Variants in APBB2 observed in about 807,000 individuals in gnomAD.
The protein encoded by APBB2 is amyloid beta precursor protein binding family B member 2.
APBB2 carries 38 observed loss-of-function variants against 82.5 expected under a neutral mutation model. The ratio of observed to expected loss-of-function variants is 0.46; its 90% confidence interval spans 0.36 to 0.60. The LOEUF (loss-of-function observed/expected upper bound fraction) is 0.60, where lower values mean the gene tolerates loss of function less well. Among genes scored for constraint, APBB2 ranks in the 20% least tolerant of loss-of-function variants. APBB2 has a pLI of 0.00. For synonymous variants in APBB2, 341 were observed against 368.2 expected (o/e 0.93, Z 0.85); for missense variants, 772 against 972.3 (o/e 0.79, Z 2.74).
chr4:40,893,073 T>G (rs1186411259), intron 11 of APBB2, 192 bp downstream of exon 11: 1 of 550,440 alleles, frequency 1.8e-6, no homozygotes, highest in Non-Finnish European at 3.1e-6. Context: ...GCCCCAGTCC[T>G]CACTGGCATC....
chr4:41,137,710 A>C (rs1319862779), intron 2 of APBB2, among the ~76,000 whole-genome samples: 1 of 152,196 alleles, frequency 6.6e-6, no homozygotes. Context: ...AAGCCCTTAC[A>C]TTTGTGGTCA....
At chr4:41,061,899 A>G (rs1377263238) in intron 4 of APBB2, among the ~76,000 whole-genome samples, 1 of 152,230 alleles carries the variant, frequency 6.6e-6, no homozygotes, top group African/African-American at 2.4e-5. Flanking sequence ...TGCACTGCTG[A>G]CCCTTGACTG....
At chr4:41,089,747 A>G (rs1425916409) in intron 3 of APBB2, among the ~76,000 whole-genome samples, 1 of 152,138 alleles carries the variant, frequency 6.6e-6, no homozygotes, top group Non-Finnish European at 1.5e-5. Flanking sequence ...CAGTCCCTCT[A>G]CTCTGTAAAT....
intron 12 of APBB2, among the ~76,000 whole-genome samples, chr4:40,855,462 G>C (rs188826198): frequency 4.6e-5 from 7 of 152,306 alleles, no homozygotes; most frequent in African/African-American, 1.7e-4. Context: ...GGCCAGGCAT[G>C]GTGGCTCATG....
chr4:40,870,989 C>T (rs1454291658), intron 12 of APBB2, among the ~76,000 whole-genome samples: 1 of 122,956 alleles, frequency 8.1e-6, no homozygotes, highest in Non-Finnish European at 1.7e-5. Context: ...GGGTGAGCCA[C>T]CACCGCGCCC....
chr4:41,048,847 A>AT (rs1192401672), intron 4 of APBB2, among the ~76,000 whole-genome samples: 1 of 151,964 alleles, frequency 6.6e-6, no homozygotes, highest in Admixed American at 6.5e-5. Context: ...TAGTTTTCGT[A>AT]TTTTTTTGGT....
At chr4:41,017,572 A>G (rs191167285) in intron 5 of APBB2, among the ~76,000 whole-genome samples, 50 of 152,378 alleles carry the variant, frequency 3.3e-4, no homozygotes, top group African/African-American at 1.2e-3. Flanking sequence ...CTTGGTTTAC[A>G]TGACAAGTAA....
chr4:41,096,060 A>G (rs1743359746), intron 3 of APBB2, among the ~76,000 whole-genome samples: 2 of 152,140 alleles, frequency 1.3e-5, no homozygotes, highest in South Asian at 4.1e-4. Context: ...CTTTTTCTAC[A>G]GCCTCAATTA....
intron 4 of APBB2, among the ~76,000 whole-genome samples, chr4:41,051,608 AT>A (rs1456778514): frequency 6.6e-6 from 1 of 152,172 alleles, no homozygotes; most frequent in Admixed American, 6.5e-5. Flanking sequence ...AGCTAGTAAC[AT>A]GTGAATTCTC....
At chr4:40,831,811 T>A (rs1223508581) in intron 12 of APBB2, among the ~76,000 whole-genome samples, 1 of 152,170 alleles carries the variant, frequency 6.6e-6, no homozygotes, top group Non-Finnish European at 1.5e-5. Context: ...CATTTATTGC[T>A]TGCTGAGACA....
intron 10 of APBB2, among the ~76,000 whole-genome samples, chr4:40,927,827 G>A (rs908195158): frequency 5.9e-5 from 9 of 152,152 alleles, no homozygotes; most frequent in Non-Finnish European, 1.3e-4. Flanking sequence ...TCCACCAGGT[G>A]GCAGAACATC....
intron 1 of APBB2, among the ~76,000 whole-genome samples, chr4:41,205,622 T>C (rs13150250): frequency 0.08 from 12,147 of 152,200 alleles, 692 homozygotes; most frequent in Non-Finnish European, 0.12. Context: ...CAAAGCATAC[T>C]TACAGGTAGG....
chr4:40,990,437 G>C (rs1159829510), intron 6 of APBB2, among the ~76,000 whole-genome samples: 1 of 152,114 alleles, frequency 6.6e-6, no homozygotes, highest in African/African-American at 2.4e-5. Context: ...AGAAAGGAGT[G>C]GTGAGATTCA....
intron 3 of APBB2, among the ~76,000 whole-genome samples, chr4:41,081,208 C>A (rs1465714426): frequency 6.6e-6 from 1 of 152,210 alleles, no homozygotes; most frequent in Non-Finnish European, 1.5e-5. Flanking sequence ...GATTATTCCT[C>A]TCTTGCTTCA....
At chr4:41,081,544 A>G (rs1045597009) in intron 3 of APBB2, among the ~76,000 whole-genome samples, 1 of 152,216 alleles carries the variant, frequency 6.6e-6, no homozygotes, top group Admixed American at 6.5e-5. Context: ...ATAAATGGCT[A>G]TTTCCAAAAT....
chr4:41,000,105 G>GTGTGTA (rs10694468), intron 6 of APBB2, among the ~76,000 whole-genome samples: 2,952 of 135,068 alleles, frequency 0.022, 98 homozygotes, highest in African/African-American at 0.039. Flanking sequence ...GTGTGTGTGT[G>GTGTGTA]TATAAATTAG....
intron 10 of APBB2, among the ~76,000 whole-genome samples, chr4:40,908,892 G>A (rs76638316): frequency 6.6e-6 from 1 of 152,220 alleles, no homozygotes; most frequent in Non-Finnish European, 1.5e-5. Context: ...CCTGCTAACA[G>A]ATCACTGGAG....
At chr4:41,170,444 T>C (rs1767940462) in intron 1 of APBB2, among the ~76,000 whole-genome samples, 2 of 152,216 alleles carry the variant, frequency 1.3e-5, no homozygotes, top group African/African-American at 2.4e-5. Context: ...AAGGGTGATA[T>C]GCTCTGAGAA....
At chr4:41,132,920 A>AT (rs920147176) in intron 2 of APBB2, among the ~76,000 whole-genome samples, 8 of 151,778 alleles carry the variant, frequency 5.3e-5, no homozygotes, top group East Asian at 1.9e-4. Context: ...AGCTATCCCG[A>AT]TTTTTTTTTA....
Sources: gnomAD v4.1 joint callset for allele counts (sites outside exome capture counted in the v4.1 genomes callset) on GRCh38, gnomAD v4.1.1 for gene constraint, MANE v1.5 for transcripts, NCBI Gene and HGNC (gene_info 2026-07-23, HGNC 2026-07-21) for gene names.